The following LONRF1 variants were observed in gnomAD, a reference collection of about 807,000 sequenced individuals.
The protein encoded by LONRF1 is LON peptidase N-terminal domain and RING finger protein 1.
In LONRF1, 37 loss-of-function variants were observed where a neutral mutation model predicts 85.8. The observed-to-expected ratio is 0.43, with a 90% CI of 0.33 to 0.57. LONRF1 has a LOEUF of 0.57. Among genes scored for constraint, LONRF1 ranks in the 20% least tolerant of loss-of-function variants. The pLI, the probability that LONRF1 is intolerant of heterozygous loss-of-function variation, is 0.04. For missense variants in LONRF1, 1,036 were observed against 978.0 expected, an observed-to-expected ratio of 1.06 and a Z score of -0.79; for synonymous variants, 517 against 390.1, an observed-to-expected ratio of 1.33 and a Z score of -3.83.
chr8:12,751,303 T>TC (rs1563160609), intron 1 of LONRF1, among the ~76,000 whole-genome samples: 1 of 95,948 alleles, frequency 1.0e-5, no homozygotes, highest in African/African-American at 3.3e-5. Context: ...TATGTTTTTT[T>TC]TTTTTTTTTT....
chr8:12,754,605 G>C, intron 1 of LONRF1, 95 bp downstream of exon 1: 1 of 1,219,258 alleles, frequency 8.2e-7, no homozygotes, highest in Non-Finnish European at 1.0e-6. Flanking sequence ...GGGAAGCAGA[G>C]GAGACTCTCG....
chr8:12,747,752 CTCTCT>C (rs142533581), intron 1 of LONRF1, among the ~76,000 whole-genome samples: 109,233 of 147,486 alleles, frequency 0.74, 42,181 homozygotes, highest in East Asian at 0.94. Flanking sequence ...ACTGAAATCT[CTCTCT>C]TTTTTTTTTT....
chr8:12,723,820 G>A (rs1806033564), intron 11 of LONRF1, among the ~76,000 whole-genome samples: 1 of 152,156 alleles, frequency 6.6e-6, no homozygotes, highest in Non-Finnish European at 1.5e-5. Flanking sequence ...AAAGTATTAT[G>A]GAACCCTTGG....
intron 11 of LONRF1, among the ~76,000 whole-genome samples, chr8:12,724,399 T>C (rs1806070913): frequency 6.6e-6 from 1 of 152,200 alleles, no homozygotes; most frequent in African/African-American, 2.4e-5. Flanking sequence ...TCCCCACTAG[T>C]TCTTCAGAAG....
intron 7 of LONRF1, among the ~76,000 whole-genome samples, chr8:12,733,110 C>G (rs922596153): frequency 1.3e-5 from 2 of 152,106 alleles, no homozygotes; most frequent in Non-Finnish European, 2.9e-5. Flanking sequence ...ATGTTTCTAA[C>G]AAGTTGTCAG....
intron 1 of LONRF1, among the ~76,000 whole-genome samples, chr8:12,748,505 T>C (rs1799255083): frequency 1.3e-5 from 2 of 152,226 alleles, no homozygotes; most frequent in South Asian, 4.1e-4. Context: ...CCTAGAAAGT[T>C]ATAAAGATAT....
chr8:12,749,144 A>G (rs532702605), intron 1 of LONRF1, among the ~76,000 whole-genome samples: 2 of 152,354 alleles, frequency 1.3e-5, no homozygotes, highest in Admixed American at 6.5e-5. Context: ...ATAATTGTTG[A>G]TAACATTCCA....
chr8:12,729,226 T>A lies in LONRF1; in HGVS notation c.1795A>T (p.Ile599Leu), dbSNP rs776784905. ...CCAAACTGTTTGGTTCCAGTCTGTA[T>A]ACTTCTTCGAATCATCAATCTGTAT... ...PRYRLMIRRS[I>L]QTGTKQFGMC... Residue 599 changes from isoleucine (I) to leucine (L), a missense_variant, in exon 9 of 12, where the codon ATA becomes TTA. Ile to Leu is a conservative substitution (Grantham distance 5). This residue lies in a region of LONRF1 where 265 missense variants were observed against 301.5 expected (regional missense o/e 0.88). Coordinates refer to ENST00000398246, the MANE Select transcript of LONRF1 (RefSeq NM_152271.5). The A allele has an allele frequency of 6.2e-7, 1 of 1,614,050 alleles. No individual in the cohort carries two copies. Among genetic ancestry groups the A allele is most frequent in the Non-Finnish European group, 8.5e-7 (1 of 1,179,912 alleles).
chr8:12,734,939 C>G (rs1798661613), intron 7 of LONRF1, among the ~76,000 whole-genome samples: 1 of 151,994 alleles, frequency 6.6e-6, no homozygotes, highest in Admixed American at 6.6e-5. Flanking sequence ...TCACATCTGG[C>G]TTATTATTGA....
At chr8:12,744,708 T>C (rs1160530541) in intron 1 of LONRF1, among the ~76,000 whole-genome samples, 3 of 152,120 alleles carry the variant, frequency 2.0e-5, no homozygotes, top group Admixed American at 6.6e-5. Flanking sequence ...GAACAAGTAG[T>C]AAAAGCATCA....
intron 7 of LONRF1, among the ~76,000 whole-genome samples, chr8:12,732,229 A>T (rs1158415901): frequency 6.6e-6 from 1 of 152,232 alleles, no homozygotes; most frequent in African/African-American, 2.4e-5. Context: ...CAAAAACGGG[A>T]TAAGGAATAA....
At chr8:12,740,765 AG>A in intron 3 of LONRF1, 108 bp downstream of exon 3, 1 of 1,323,350 alleles carries the variant, frequency 7.6e-7, no homozygotes, top group Non-Finnish European at 1.0e-6. Flanking sequence ...TTCCTAAGTT[AG>A]ATTTATTTAC....
chr8:12,743,015 T>C (rs535574496), intron 2 of LONRF1, 149 bp downstream of exon 2: 9 of 622,678 alleles, frequency 1.4e-5, no homozygotes, highest in South Asian at 1.3e-4. Flanking sequence ...AATGAGCCAT[T>C]GCACCTAGGT....
At position 12,755,041 on chromosome 8, in the gene LONRF1, C is replaced by T. The variant is rs1439148331; in HGVS notation, c.380G>A (p.Arg127Gln). ...AGGLLRCLGC[R>Q]GFLSEPVTVP... ...GGTCACCGGCTCGCTCAGGAAGCCC[C>T]GGCAGCCCAGGCATCTGAGGAGCCC... The change falls in exon 1 of 12, where the codon CGG becomes CAG. Residue 127 changes from arginine (R) to glutamine (Q), a missense_variant. Around this residue, in one of 3 missense-constraint regions of LONRF1, gnomAD observed 742 missense variants for 614.4 expected, o/e 1.21. Transcript: ENST00000398246. 1 of 1,490,546 alleles carries T rather than the reference C, an allele frequency of 6.7e-7. No individual in the cohort carries two copies. Among genetic ancestry groups the T allele is most frequent in the Non-Finnish European group, 8.9e-7 (1 of 1,126,978 alleles). 92.3% of individuals were successfully genotyped at this position (1,490,546 alleles called of 1,614,324 possible). A position where few individuals can be genotyped will look rare whatever the true frequency, so the allele number is the denominator to read the frequency against.
intron 4 of LONRF1, 169 bp from the exon 5 acceptor site, chr8:12,737,309 AGC>A: frequency 1.1e-6 from 1 of 870,330 alleles, no homozygotes; most frequent in Non-Finnish European, 1.9e-6. Context: ...GATTTTTGCC[AGC>A]ACAGTTGGCC....
chr8:12,723,673 C>T lies in LONRF1; in HGVS notation c.2164-419G>A, dbSNP rs554872877. Among the ~76,000 whole-genome samples the T allele has an allele frequency of 2.0e-4, 30 of 152,366 alleles. No individual in the cohort carries two copies. In the East Asian group the frequency reaches 5.8e-3, roughly 29 times the overall value. On this transcript the variant is annotated intron_variant, in intron 11 of 11. Transcript: ENST00000398246. The stretch of plus-strand genomic sequence containing the variant: ...CCAGATGCCAGTAGCACCTTCCCAT[C>T]CAGCTGTGACAGCCAAAAATGTCTC...
chr8:12,738,832 T>C (rs527370388), intron 3 of LONRF1: 1 of 152,322 alleles, frequency 6.6e-6, no homozygotes, highest in South Asian at 2.1e-4. Context: ...AAAGGGATTC[T>C]GATATTTTTG....
At chr8:12,727,670 C>T (rs111765025) in intron 10 of LONRF1, among the ~76,000 whole-genome samples, 396 of 152,228 alleles carry the variant, frequency 2.6e-3, no homozygotes, top group African/African-American at 8.9e-3. Context: ...CATAAATTTA[C>T]ACAAAACTGA....
intron 1 of LONRF1, among the ~76,000 whole-genome samples, chr8:12,752,281 TACAA>T (rs1202791234): frequency 6.6e-6 from 1 of 152,244 alleles, no homozygotes; most frequent in Non-Finnish European, 1.5e-5. Flanking sequence ...CTAAGGATTG[TACAA>T]ACAGCTTATG....
Sources: allele counts gnomAD v4.1 joint callset (sites outside exome capture counted in the v4.1 genomes callset), GRCh38; gene constraint gnomAD v4.1.1; regional missense constraint gnomAD v4.1.1; transcripts MANE v1.5; gene names NCBI Gene and HGNC (gene_info 2026-07-23, HGNC 2026-07-21).